TM9SF3: variants seen among roughly 807,000 people sequenced by gnomAD.
The protein encoded by TM9SF3 is SM-11044-binding protein.
In TM9SF3, 14 loss-of-function variants were observed where a neutral mutation model predicts 78.6. That is an observed-to-expected ratio of 0.18 (90% CI 0.12 to 0.28). The LOEUF is 0.28. Ranked by LOEUF, TM9SF3 falls within the 10% of genes least tolerant of loss-of-function variation. The pLI is 1.00. For synonymous variants in TM9SF3, 231 were observed against 241.7 expected, an observed-to-expected ratio of 0.96 and a Z score of 0.41; for missense variants, 496 against 721.9, an observed-to-expected ratio of 0.69 and a Z score of 3.59.
At chr10:96,560,508 G>A (rs59997092) in intron 4 of TM9SF3, 6 of 742,032 alleles carry the variant, frequency 8.1e-6, no homozygotes, top group Non-Finnish European at 1.2e-5. Context: ...TTCAGGGCCA[G>A]TGTATATTAG....
chr10:96,548,006 G>GA lies in TM9SF3; in HGVS notation c.960-18dup, dbSNP rs750924284. The stretch of plus-strand genomic sequence containing the variant: ...GATCCCCTCCTAAAAAGGCAAAAAA[G>GA]AAAAAAAAAATTAAAACCAACAATT... On this transcript the variant is annotated splice_polypyrimidine_tract_variant and intron_variant, in intron 7 of 14. Coordinates refer to ENST00000371142, the MANE Select transcript of TM9SF3 (RefSeq NM_020123.4). 4.2e-3 allele frequency: 5,979 copies of GA among 1,437,818 alleles called. No homozygotes were observed. Among genetic ancestry groups the GA allele is most frequent in the South Asian group, 5.3e-3 (382 of 71,682 alleles). The allele number at this position is 1,437,818 out of a possible 1,614,324, so 89.1% of individuals were successfully genotyped here.
chr10:96,553,141 T>C (rs1439556589), intron 5 of TM9SF3, 82 bp from the exon 6 acceptor site: 2 of 1,361,138 alleles, frequency 1.5e-6, no homozygotes, highest in Admixed American at 2.8e-5. Flanking sequence ...AACCGGATGT[T>C]AATGCAAAGA....
rs1241359205 is a variant in TM9SF3 at position 96,520,213 on chromosome 10, C to G, written c.*2050G>C. ...TTAAAAGGTTACATAATATAGGCAA[C>G]TAAATATTAACTTTTAGTTTCTTTT... On this transcript the variant is annotated 3_prime_UTR_variant, in exon 15 of 15. Transcript: ENST00000371142. 1 of 151,724 alleles carries G rather than the reference C, an allele frequency of 6.6e-6. No homozygotes were observed. Among genetic ancestry groups the G allele is most frequent in the African/African-American group, 2.4e-5 (1 of 41,374 alleles). The allele number at this position is 151,724 out of a possible 1,614,324, so 9.4% of individuals were successfully genotyped here.
chr10:96,543,531 G>C (rs1848061387), intron 9 of TM9SF3: 1 of 151,672 alleles, frequency 6.6e-6, no homozygotes, highest in Non-Finnish European at 1.5e-5. Context: ...GTAGAGACAG[G>C]GTTTCACCGT....
intron 6 of TM9SF3, among the ~76,000 whole-genome samples, chr10:96,552,109 CCT>C (rs1848177565): frequency 6.6e-6 from 1 of 151,972 alleles, no homozygotes; most frequent in East Asian, 1.9e-4. Flanking sequence ...CTTTATCCAC[CCT>C]CTGATACTTC....
chr10:96,533,641 G>A (rs1221868976), intron 9 of TM9SF3, among the ~76,000 whole-genome samples: 1 of 152,176 alleles, frequency 6.6e-6, no homozygotes, highest in African/African-American at 2.4e-5. Context: ...AGAAGGATAA[G>A]TAACTTCCCA....
Position 96,528,150 on chromosome 10 carries a change from T to C in TM9SF3, c.1422A>G (p.Ala474=), listed in dbSNP as rs1847859343. The C allele has an allele frequency of 2.5e-6, 4 of 1,610,992 alleles. No individual in the cohort carries two copies. In the South Asian group the frequency reaches 3.3e-5, roughly 13 times the overall value. Residue 474 remains alanine (A), a synonymous_variant, in exon 12 of 15, where the codon GCA becomes GCG. Transcript: ENST00000371142. ...AGCCATAGACATAATAGATCTTATA[T>C]GCCCAGAAAGACGTGAAGATGAAAT... ...EMYFIFTSFW[A]YKIYYVYGFM...
At chr10:96,560,682 G>T in intron 4 of TM9SF3, 1 of 602,130 alleles carries the variant, frequency 1.7e-6, no homozygotes, top group East Asian at 3.9e-5. Context: ...TGATGATGAT[G>T]ATGACGATTT....
intron 2 of TM9SF3, among the ~76,000 whole-genome samples, chr10:96,568,456 C>T (rs557092161): frequency 6.6e-6 from 1 of 152,130 alleles, no homozygotes; most frequent in South Asian, 2.1e-4. Context: ...CAAATGTTAA[C>T]CTTATTTTTC....
At chr10:96,568,912 C>T (rs956154043) in intron 2 of TM9SF3, among the ~76,000 whole-genome samples, 1 of 152,204 alleles carries the variant, frequency 6.6e-6, no homozygotes, top group Middle Eastern at 3.4e-3. Context: ...TCAGGCCAAG[C>T]GTGCTGGCTC....
chr10:96,562,236 T>TTTTTTA, intron 3 of TM9SF3, 98 bp from the exon 4 acceptor site: 1 of 917,154 alleles, frequency 1.1e-6, no homozygotes, highest in Non-Finnish European at 1.6e-6. Flanking sequence ...TTTTTTTTTT[T>TTTTTTA]ACCTCCGCCC....
chr10:96,583,978 G>T (rs920030429), intron 1 of TM9SF3, among the ~76,000 whole-genome samples: 5 of 95,924 alleles, frequency 5.2e-5, no homozygotes, highest in Admixed American at 9.9e-5. Flanking sequence ...AGATTGCAGT[G>T]AGTGGACATT....
At chr10:96,580,047 C>G (rs886362662) in intron 1 of TM9SF3, among the ~76,000 whole-genome samples, 23 of 152,272 alleles carry the variant, frequency 1.5e-4, no homozygotes, top group African/African-American at 5.5e-4. Flanking sequence ...CACAGAAGCA[C>G]AGCAGTGTAT....
chr10:96,528,162 C>T lies in TM9SF3; in HGVS notation c.1410G>A (p.Thr470=), dbSNP rs370713295. The T allele has an allele frequency of 3.4e-5, 54 of 1,609,464 alleles. No homozygotes were observed. The highest frequency in any genetic ancestry group is 2.8e-4 in the South Asian group (25 of 90,408). Residue 470 remains threonine, a synonymous_variant, in exon 12 of 15, where the codon ACG becomes ACA. Transcript: ENST00000371142. ...AATAGATCTTATATGCCCAGAAAGA[C>T]GTGAAGATGAAATACCTAAGTAAAT... ...SIFIEMYFIF[T]SFWAYKIYYV...
intron 5 of TM9SF3, among the ~76,000 whole-genome samples, chr10:96,557,622 C>T (rs765429090): frequency 6.6e-6 from 1 of 152,142 alleles, no homozygotes. Flanking sequence ...CTGGCTCCTG[C>T]TACCTCTCTG....
intron 5 of TM9SF3, among the ~76,000 whole-genome samples, chr10:96,556,726 T>C (rs1440253974): frequency 2.4e-4 from 36 of 152,184 alleles, no homozygotes; most frequent in Admixed American, 2.4e-3. Context: ...CTTTGCTCCC[T>C]TTAGCAGCCA....
At chr10:96,561,889 A>T (rs1848312273) in intron 4 of TM9SF3, 89 bp downstream of exon 4, 10 of 1,082,168 alleles carry the variant, frequency 9.2e-6, no homozygotes. Context: ...ATTTCAAGCT[A>T]CATTTTCATT....
At chr10:96,526,748 T>C (rs1847842496) in intron 14 of TM9SF3, among the ~76,000 whole-genome samples, 1 of 152,086 alleles carries the variant, frequency 6.6e-6, no homozygotes, top group East Asian at 1.9e-4. Flanking sequence ...GTCTCCTAGG[T>C]GTCTCCTGGT....
At chr10:96,551,811 A>C (rs1486416376) in intron 6 of TM9SF3, among the ~76,000 whole-genome samples, 1 of 152,226 alleles carries the variant, frequency 6.6e-6, no homozygotes, top group Non-Finnish European at 1.5e-5. Context: ...AGAGTATCAA[A>C]ACCAGTACTA....
Sources: allele counts gnomAD v4.1 joint callset (sites outside exome capture counted in the v4.1 genomes callset), GRCh38; gene constraint gnomAD v4.1.1; transcripts MANE v1.5; gene names NCBI Gene and HGNC (gene_info 2026-07-23, HGNC 2026-07-21).